TMEM225B: variants seen among roughly 807,000 people sequenced by gnomAD.
TMEM225B encodes transmembrane protein 225-like.
In TMEM225B, 10 loss-of-function variants were observed where a neutral mutation model predicts 16.9. The observed-to-expected ratio is 0.59, with a 90% CI of 0.36 to 1.00. The LOEUF (loss-of-function observed/expected upper bound fraction) is 1.00, where lower values mean the gene tolerates loss of function less well. TMEM225B is among the 50% of genes least tolerant of loss of function. The pLI, the probability that TMEM225B is intolerant of heterozygous loss-of-function variation, is 0.01. For missense variants in TMEM225B, 217 were observed against 267.0 expected (o/e 0.81, Z 1.30); for synonymous variants, 92 against 109.8 (o/e 0.84, Z 1.01).
rs930063314 is a variant in TMEM225B at position 99,604,380 on chromosome 7, A to G, written c.-3-6A>G. 84 of 1,534,226 alleles carry G rather than the reference A, an allele frequency of 5.5e-5. No individual in the cohort carries two copies. Among genetic ancestry groups the G allele is most frequent in the Non-Finnish European group, 7.2e-5 (82 of 1,145,372 alleles). ...CCACCTCCACGATCACTTTTCTCTT[A>G]CACAGGTGATGCTGACGTTAGAGGA... On this transcript the variant is annotated splice_polypyrimidine_tract_variant and splice_region_variant and intron_variant, in intron 2 of 5. Transcript: ENST00000431679.
chr7:99,609,531 T>C (rs1806158687), intron 5 of TMEM225B, among the ~76,000 whole-genome samples: 1 of 151,890 alleles, frequency 6.6e-6, no homozygotes, highest in Admixed American at 6.6e-5. Flanking sequence ...CTCCGTCTCC[T>C]GGGTTCAAGC....
intron 2 of TMEM225B, among the ~76,000 whole-genome samples, chr7:99,600,713 C>T (rs2151193834): frequency 6.6e-6 from 1 of 152,250 alleles, no homozygotes; most frequent in South Asian, 2.1e-4. Flanking sequence ...CTCCACCTGG[C>T]CCTGCTCTTG....
chr7:99,602,218 T>G (rs1805431104), intron 2 of TMEM225B, among the ~76,000 whole-genome samples: 1 of 152,180 alleles, frequency 6.6e-6, no homozygotes, highest in Non-Finnish European at 1.5e-5. Flanking sequence ...TCCCTGCAGC[T>G]CCAATCACCG....
At chr7:99,603,232 C>G (rs141326258) in intron 2 of TMEM225B, among the ~76,000 whole-genome samples, 103 of 152,298 alleles carry the variant, frequency 6.8e-4, no homozygotes, top group South Asian at 2.5e-3. Flanking sequence ...CCCACCTAAA[C>G]CCACAGTTCC....
chr7:99,598,419 G>C (rs1366132270), intron 1 of TMEM225B, 38 bp downstream of exon 1: 3 of 152,508 alleles, frequency 2.0e-5, no homozygotes, highest in East Asian at 1.9e-4. Flanking sequence ...GTATGGGGGA[G>C]AGCAAGGTGG....
intron 3 of TMEM225B, among the ~76,000 whole-genome samples, chr7:99,606,086 T>C (rs1055912631): frequency 6.6e-6 from 1 of 152,206 alleles, no homozygotes; most frequent in African/African-American, 2.4e-5. Flanking sequence ...AAAACCACCA[T>C]TTTCCCCTAG....
At chr7:99,603,892 A>G (rs946842663) in intron 2 of TMEM225B, among the ~76,000 whole-genome samples, 5 of 151,830 alleles carry the variant, frequency 3.3e-5, no homozygotes, top group South Asian at 2.1e-4. Flanking sequence ...GCTTCTGAGT[A>G]GCTGGGACTA....
At chr7:99,603,770 G>GT (rs1428463408) in intron 2 of TMEM225B, among the ~76,000 whole-genome samples, 131 of 119,824 alleles carry the variant, frequency 1.1e-3, no homozygotes, top group South Asian at 4.3e-3. Flanking sequence ...TTTTTTTTTT[G>GT]TTTTTTTTTG....
In TMEM225B at chr7:99,610,533, G is replaced by A; in HGVS notation, c.634G>A (p.Glu212Lys). 6.5e-7 allele frequency: 1 copy of A among 1,536,092 alleles called. No homozygotes were observed. The highest frequency in any genetic ancestry group is 8.7e-7 in the Non-Finnish European group (1 of 1,146,906). The change falls in exon 6 of 6, where the codon GAG becomes AAG. Residue 212 changes from glutamate to lysine, a missense_variant. Coordinates refer to ENST00000431679, the MANE Select transcript of TMEM225B (RefSeq NM_001195541.3). ...LGGEPSSVQKETQVTAETVI is the reference protein window; with the variant it reads ...LGGEPSSVQKKTQVTAETVI ...AGGAGAACCGAGCTCAGTACAAAAG[G>A]AGACACAGGTGACAGCAGAAACAGT...
chr7:99,604,156 C>G (rs1245939962), intron 2 of TMEM225B, among the ~76,000 whole-genome samples: 1 of 152,096 alleles, frequency 6.6e-6, no homozygotes, highest in African/African-American at 2.4e-5. Flanking sequence ...CCTGACATGC[C>G]CAAGATCACC....
chr7:99,607,653 G>A lies in TMEM225B; in HGVS notation c.356-20G>A. On this transcript the variant is annotated intron_variant, in intron 4 of 5. Transcript: ENST00000431679. ...GGTAGCATGGGAGGAGACCGAGGGT[G>A]TCTCCCTGTGACCCTCCAGGGGCCT... 6.5e-7 allele frequency: 1 copy of A among 1,531,356 alleles called. No homozygotes were observed. The highest frequency in any genetic ancestry group is 8.7e-7 in the Non-Finnish European group (1 of 1,144,788). The allele number at this position is 1,531,356 out of a possible 1,614,324, so 94.9% of individuals were successfully genotyped here.
At chr7:99,609,088 AC>A (rs1382190151) in intron 5 of TMEM225B, among the ~76,000 whole-genome samples, 4 of 151,708 alleles carry the variant, frequency 2.6e-5, no homozygotes, top group Admixed American at 2.0e-4. Flanking sequence ...AATCACTTGA[AC>A]CCAGGAGGTG....
At chr7:99,600,101 G>C (rs1449514454) in intron 1 of TMEM225B, 104 bp from the exon 2 acceptor site, 1 of 669,766 alleles carries the variant, frequency 1.5e-6, no homozygotes, top group African/African-American at 1.8e-5. Flanking sequence ...GAATGGGACA[G>C]ATAAGGGGTA....
intron 2 of TMEM225B, among the ~76,000 whole-genome samples, chr7:99,603,273 G>C (rs1805509096): frequency 1.3e-5 from 2 of 152,156 alleles, no homozygotes; most frequent in African/African-American, 4.8e-5. Context: ...CTGAATAAGG[G>C]CACCTAAGGC....
intron 5 of TMEM225B, 47 bp downstream of exon 5, chr7:99,607,857 T>C (rs1217088863): frequency 2.6e-6 from 4 of 1,522,278 alleles, no homozygotes. Context: ...TCGGTCTGGA[T>C]TTAGGAACCT....
chr7:99,603,940 A>G (rs1241700337), intron 2 of TMEM225B, among the ~76,000 whole-genome samples: 1 of 151,898 alleles, frequency 6.6e-6, no homozygotes. Flanking sequence ...TTTTTGGTAG[A>G]GACGGGGTTT....
chr7:99,607,819 C>T lies in TMEM225B; in HGVS notation c.493+9C>T, dbSNP rs1381089322. On this transcript the variant is annotated intron_variant, in intron 5 of 5. Transcript: ENST00000431679. ...TCTGTTCATAGTGGCTGGTGAGTGT[C>T]CAGGGAACAGTGCCCTGCTTCTTGT... is the stretch of plus-strand genomic sequence containing the variant. The T allele has an allele frequency of 2.0e-6, 3 of 1,535,384 alleles. No homozygotes were observed. The highest frequency in any genetic ancestry group is 2.6e-6 in the Non-Finnish European group (3 of 1,146,500).
chr7:99,610,112 G>A (rs1043971464), intron 5 of TMEM225B, among the ~76,000 whole-genome samples: 2 of 151,856 alleles, frequency 1.3e-5, no homozygotes, highest in African/African-American at 4.8e-5. Flanking sequence ...TGGGTTTTGT[G>A]TTGGAACTTC....
chr7:99,604,080 G>T (rs1004442632), intron 2 of TMEM225B, among the ~76,000 whole-genome samples: 13 of 152,268 alleles, frequency 8.5e-5, no homozygotes, highest in Admixed American at 7.8e-4. Context: ...TAAAGCTGAG[G>T]AGGCCTTGTG....
Sources: allele counts gnomAD v4.1 joint callset (sites outside exome capture counted in the v4.1 genomes callset), GRCh38; gene constraint gnomAD v4.1.1; transcripts MANE v1.5; gene names NCBI Gene and HGNC (gene_info 2026-07-23, HGNC 2026-07-21).